The following AP4E1 variants were observed in gnomAD, a reference collection of about 807,000 sequenced individuals.
The protein encoded by AP4E1 is adaptor related protein complex 4 subunit epsilon 1, also known as AP-4 complex subunit epsilon-1.
A neutral mutation model predicts 128.2 loss-of-function variants in AP4E1; 56 were observed. The observed-to-expected ratio is 0.44, with a 90% CI of 0.35 to 0.55. AP4E1 has a LOEUF of 0.55. Among genes scored for constraint, AP4E1 ranks in the 20% least tolerant of loss-of-function variants. The pLI is 0.00. For synonymous variants in AP4E1, 484 were observed against 473.1 expected (o/e 1.02, Z -0.30); for missense variants, 1,324 against 1,307.7 (o/e 1.01, Z -0.19).
In AP4E1 at chr15:50,938,082, G is replaced by C. The variant is rs569451870; in HGVS notation, c.944-3360G>C. ...TTCACCTAAAACCCTTGGATACTAT[G>C]TATAAGAAACATAAGACTCAGGAAG... On this transcript the variant is annotated intron_variant, in intron 8 of 20. Coordinates refer to ENST00000261842, the MANE Select transcript of AP4E1 (RefSeq NM_007347.5). 3.3e-5 allele frequency among the ~76,000 whole-genome samples: 5 copies of C among 152,128 alleles called. 1 individual carries two copies. The East Asian group carries it at 9.7e-4, about 29-fold the overall frequency.
rs116862062 is a variant in AP4E1, at chr15:50,983,526, T to C, written c.1967-496T>C. On this transcript the variant is annotated intron_variant, in intron 15 of 20. Transcript: ENST00000261842. ...ACAACATGAATTTTCTTGGCTCTTATTGAATTAATTAGGTTATACAGATTA... is the reference window on the plus strand; with the variant it reads ...ACAACATGAATTTTCTTGGCTCTTACTGAATTAATTAGGTTATACAGATTA... Among the ~76,000 whole-genome samples the C allele has an allele frequency of 6.1e-3, 930 of 152,278 alleles. 7 individuals carry two copies. Among genetic ancestry groups the C allele is most frequent in the Admixed American group, 0.01 (155 of 15,288 alleles).
intron 10 of AP4E1, chr15:50,944,997 T>C: frequency 2.6e-6 from 2 of 766,640 alleles, no homozygotes; most frequent in South Asian, 1.4e-5. Flanking sequence ...AGGCTTTGTA[T>C]AAGGAATACG....
chr15:50,931,803 C>A (rs2063840090), intron 7 of AP4E1, among the ~76,000 whole-genome samples: 1 of 152,098 alleles, frequency 6.6e-6, no homozygotes, highest in Non-Finnish European at 1.5e-5. Context: ...TGAAGCCATA[C>A]AAAACCAGGC....
chr15:50,908,209 CGCT>C (rs1457633092), upstream of AP4E1, among the ~76,000 whole-genome samples: 2 of 152,010 alleles, frequency 1.3e-5, no homozygotes, highest in African/African-American at 4.8e-5. Flanking sequence ...AGGACAGCCC[CGCT>C]ATCACGCAAC....
rs549972698 is a variant in AP4E1 at position 50,965,400 on chromosome 15, G to A, written c.1852-2863G>A. ...GCAGGATTGGGTGTGCCAGTCCTTG[G>A]GCCTCCAAAGATGGCATGTGCACAT... is the stretch of plus-strand genomic sequence containing the variant. On this transcript the variant is annotated intron_variant, in intron 14 of 20. Coordinates refer to ENST00000261842, the MANE Select transcript of AP4E1 (RefSeq NM_007347.5). Among the ~76,000 whole-genome samples, 23 of 152,304 alleles carry A rather than the reference G, an allele frequency of 1.5e-4. No individual in the cohort carries two copies. In the South Asian group the frequency reaches 3.7e-3, roughly 25 times the overall value.
At chr15:50,943,742 A>T (rs2064020120) in intron 10 of AP4E1, among the ~76,000 whole-genome samples, 2 of 152,126 alleles carry the variant, frequency 1.3e-5, no homozygotes, top group African/African-American at 4.8e-5. Flanking sequence ...AACCATGTAT[A>T]TATTTATATA....
intron 7 of AP4E1, among the ~76,000 whole-genome samples, chr15:50,934,103 G>A (rs2063873660): frequency 6.6e-6 from 1 of 151,748 alleles, no homozygotes; most frequent in Admixed American, 6.6e-5. Context: ...ACATATGAAT[G>A]GTCCAAACCT....
intron 3 of AP4E1, 51 bp downstream of exon 3, chr15:50,915,622 C>G (rs770867248): frequency 6.3e-7 from 1 of 1,577,182 alleles, no homozygotes; most frequent in South Asian, 1.1e-5. Context: ...CTTGAAGTTG[C>G]ATCTATTATA....
chr15:50,976,024 G>A lies in AP4E1; in HGVS notation c.1966+7647G>A, dbSNP rs538385771. 3.9e-5 allele frequency among the ~76,000 whole-genome samples: 6 copies of A among 152,150 alleles called. No individual in the cohort carries two copies. In the South Asian group the frequency reaches 1.2e-3, roughly 32 times the overall value. ...TTTCAACCTCTTCCAAAAATTTAAA[G>A]AGGAGAGAACATTTCTAAACTTATT... On this transcript the variant is annotated intron_variant, in intron 15 of 20. Transcript: ENST00000261842.
rs765820501 is a variant in AP4E1, at chr15:50,993,503, G to C, written c.2224G>C (p.Asp742His). The change falls in exon 17 of 21, where the codon GAT becomes CAT. Residue 742 changes from aspartate (D) to histidine (H), a missense_variant. By Grantham distance (81) the Asp-to-His change is moderately conservative. Transcript: ENST00000261842. The stretch of plus-strand genomic sequence containing the variant: ...TCAAGAGAGTATAATGGAGAATGTA[G>C]ATCAAGCTATAACTAAAAAGGATCA... ...VPQESIMENVDQAITKKDQSQ... is the reference protein window; with the variant it reads ...VPQESIMENVHQAITKKDQSQ... The C allele has an allele frequency of 1.9e-6, 3 of 1,613,986 alleles. No individual in the cohort carries two copies. Among genetic ancestry groups the C allele is most frequent in the South Asian group, 2.2e-5 (2 of 91,076 alleles).
In AP4E1 at chr15:51,005,197, G is replaced by A. The variant is rs1309617352; in HGVS notation, c.*2535G>A. ...CACTGCGCCCGGCCAAATTATTTTT[G>A]TGGGTAGATTCATTCTCTTTACCTA... On this transcript the variant is annotated 3_prime_UTR_variant, in exon 21 of 21. Coordinates refer to ENST00000261842, the MANE Select transcript of AP4E1 (RefSeq NM_007347.5). 5 of 152,288 alleles carry A rather than the reference G, an allele frequency of 3.3e-5. No homozygotes were observed. Among genetic ancestry groups the A allele is most frequent in the African/African-American group, 9.6e-5 (4 of 41,464 alleles). 9.4% of individuals were successfully genotyped at this position (152,288 alleles called of 1,614,324 possible). A position where few individuals can be genotyped will look rare whatever the true frequency, so the allele number is the denominator to read the frequency against.
Position 50,982,086 on chromosome 15 carries a change from CAAAAAAAAAAA to C in AP4E1, c.1967-1923_1967-1913del, listed in dbSNP as rs55717107. 1.0e-4 allele frequency among the ~76,000 whole-genome samples: 5 copies of C among 49,276 alleles called. No homozygotes were observed. The South Asian group carries it at 3.2e-3, about 32-fold the overall frequency. 32.3% of individuals were successfully genotyped at this position (49,276 alleles called of 152,430 possible). A position where few individuals can be genotyped will look rare whatever the true frequency, so the allele number is the denominator to read the frequency against. On this transcript the variant is annotated intron_variant, in intron 15 of 20. Coordinates refer to ENST00000261842, the MANE Select transcript of AP4E1 (RefSeq NM_007347.5). ...GGCAATAAGAGCAAAACTCCCATCT[CAAAAAAAAAAA>C]AAAAAAAAAAAAGCAAGTTCAGCCC...
At chr15:50,958,371 A>T in intron 13 of AP4E1, 121 bp from the exon 14 acceptor site, 1 of 794,182 alleles carries the variant, frequency 1.3e-6, no homozygotes, top group Non-Finnish European at 2.0e-6. Flanking sequence ...TTTTTTCACC[A>T]TGAGAGGATG....
intron 5 of AP4E1, 82 bp downstream of exon 5, chr15:50,925,301 A>G (rs1182393464): frequency 3.4e-5 from 47 of 1,400,936 alleles, no homozygotes; most frequent in Non-Finnish European, 4.5e-5. Context: ...TTACAACTTC[A>G]GTGCTACCAG....
chr15:50,912,101 G>A lies in AP4E1; in HGVS notation c.174G>A (p.Gln58=), dbSNP rs1214813881. The change falls in exon 2 of 21, where the codon CAG becomes CAA. Residue 58 remains glutamine (Q), a synonymous_variant. Transcript: ENST00000261842. ...SKHEEEKLIQ[Q]ELSSLKATVS... ...AGGAAGAAGAAAAATTAATCCAGCA[G>A]GAACTGAGTAGTCTGAAAGCGACTG... The A allele has an allele frequency of 1.2e-6, 2 of 1,614,118 alleles. No homozygotes were observed. The highest frequency in any genetic ancestry group is 1.7e-5 in the Admixed American group (1 of 60,022).
At position 50,925,129 on chromosome 15, in the gene AP4E1, G is replaced by T; in HGVS notation, c.452G>T (p.Cys151Phe). The change falls in exon 5 of 21, where the codon TGT (cysteine) becomes TTT (phenylalanine). Residue 151 changes from cysteine to phenylalanine, a missense_variant. Physicochemically the swap from Cys to Phe is radical, Grantham distance 205. Coordinates refer to ENST00000261842, the MANE Select transcript of AP4E1 (RefSeq NM_007347.5). Reference protein sequence around the residue: ...DLQSTNLVEVCMALTVVSQIF... With the variant: ...DLQSTNLVEVFMALTVVSQIF... Reference sequence around the variant, plus strand: ...CAGAGCACTAACCTAGTAGAAGTGTGTATGGCACTGACTGTTGTTAGCCAG... The same window carrying T: ...CAGAGCACTAACCTAGTAGAAGTGTTTATGGCACTGACTGTTGTTAGCCAG... 6.2e-7 allele frequency: 1 copy of T among 1,614,044 alleles called. No homozygotes were observed. The highest frequency in any genetic ancestry group is 1.3e-5 in the African/African-American group (1 of 75,068).
intron 16 of AP4E1, among the ~76,000 whole-genome samples, chr15:50,989,911 A>G (rs895081180): frequency 6.6e-6 from 1 of 152,206 alleles, no homozygotes; most frequent in Non-Finnish European, 1.5e-5. Flanking sequence ...CAGCTCACAC[A>G]TTATTTCAGA....
chr15:50,965,118 A>G (rs989482803), intron 14 of AP4E1, among the ~76,000 whole-genome samples: 1 of 152,088 alleles, frequency 6.6e-6, no homozygotes, highest in Non-Finnish European at 1.5e-5. Context: ...TGCTTCTTGT[A>G]CAGCCTGCAG....
At chr15:50,955,200 A>G (rs1164965271) in intron 13 of AP4E1, among the ~76,000 whole-genome samples, 3 of 152,200 alleles carry the variant, frequency 2.0e-5, no homozygotes, top group Non-Finnish European at 4.4e-5. Context: ...TATACCCAGT[A>G]ATGGGATGGC....
Sources: gnomAD v4.1 joint callset for allele counts (sites outside exome capture counted in the v4.1 genomes callset) on GRCh38, gnomAD v4.1.1 for gene constraint, MANE v1.5 for transcripts, NCBI Gene and HGNC (gene_info 2026-07-23, HGNC 2026-07-21) for gene names.